Variants in NHSL1 observed in about 807,000 individuals in gnomAD.
The protein encoded by NHSL1 is NHS like 1.
Under a neutral mutation model 95.0 loss-of-function variants are expected in NHSL1, and 48 were observed. That is an observed-to-expected ratio of 0.51 (90% CI 0.40 to 0.64). The LOEUF is 0.64. Among genes scored for constraint, NHSL1 ranks in the 30% least tolerant of loss-of-function variants. NHSL1 has a pLI of 0.00. For synonymous variants in NHSL1, 783 were observed against 833.9 expected (o/e 0.94, Z 1.05); for missense variants, 1,971 against 2,077.7 (o/e 0.95, Z 1.00).
rs141195256 is a variant in NHSL1, at chr6:138,525,528, AAAATAAATAAATAAATAAATAAAT to A, written c.16+20071_16+20094del. On this transcript the variant is annotated intron_variant, in intron 1 of 4. Transcript: ENST00000342260. The stretch of plus-strand genomic sequence containing the variant: ...GAACAACGAAGTGAGACCTTGTCTC[AAAATAAATAAATAAATAAATAAAT>A]AAATAAATAAATAAATAAATAAATA... 2.4e-4 allele frequency among the ~76,000 whole-genome samples: 33 copies of A among 139,656 alleles called. No individual in the cohort carries two copies. The South Asian group carries it at 4.7e-3, about 20-fold the overall frequency. 91.6% of individuals were successfully genotyped at this position (139,656 alleles called of 152,430 possible).
At chr6:138,481,962 A>C (rs1274070307) in intron 2 of NHSL1, among the ~76,000 whole-genome samples, 2 of 152,218 alleles carry the variant, frequency 1.3e-5, no homozygotes, top group African/African-American at 2.4e-5. Context: ...GACTTTCTAA[A>C]AGTTCTAAAA....
intron 2 of NHSL1, among the ~76,000 whole-genome samples, chr6:138,480,793 C>G (rs1278975079): frequency 1.3e-5 from 2 of 152,158 alleles, no homozygotes; most frequent in African/African-American, 4.8e-5. Flanking sequence ...GATCTAGAGT[C>G]TAAAAAATCT....
At chr6:138,529,910 C>G (rs1782066782) in intron 1 of NHSL1, among the ~76,000 whole-genome samples, 1 of 152,168 alleles carries the variant, frequency 6.6e-6, no homozygotes, top group Non-Finnish European at 1.5e-5. Context: ...AACATACTGA[C>G]AGACATGGCA....
chr6:138,626,566 C>G (rs1054704635), intron 1 of NHSL1, among the ~76,000 whole-genome samples: 1 of 152,078 alleles, frequency 6.6e-6, no homozygotes, highest in Non-Finnish European at 1.5e-5. Flanking sequence ...TCAGCATTAG[C>G]AAATATTGTT....
chr6:138,461,910 T>A (rs1305806758), intron 3 of NHSL1, among the ~76,000 whole-genome samples: 1 of 152,174 alleles, frequency 6.6e-6, no homozygotes, highest in Non-Finnish European at 1.5e-5. Context: ...TATGAAGTCC[T>A]TGAGAGGTTG....
chr6:138,529,270 A>T (rs1782037822), intron 1 of NHSL1, among the ~76,000 whole-genome samples: 1 of 152,206 alleles, frequency 6.6e-6, no homozygotes, highest in African/African-American at 2.4e-5. Flanking sequence ...TTTGGTGTTT[A>T]TCAGACATTG....
In NHSL1 at chr6:138,559,388, G is replaced by A. The variant is rs190591021; in HGVS notation, c.202+12322C>T. ...GCAAGGCTCCTGTTGGCAATCACTC[G>A]GTCCTGCTGCCAACTTTCAAGGCTT... On this transcript the variant is annotated intron_variant, in intron 1 of 6. Coordinates refer to the NHSL1 transcript ENST00000427025. Among the ~76,000 whole-genome samples the A allele has an allele frequency of 1.6e-4, 25 of 152,322 alleles. 1 individual carries two copies. The East Asian group carries it at 4.4e-3, about 27-fold the overall frequency.
Position 138,560,996 on chromosome 6 carries a change from T to G in NHSL1, c.202+10714A>C, listed in dbSNP as rs570744207. On this transcript the variant is annotated intron_variant, in intron 1 of 6. Coordinates refer to the NHSL1 transcript ENST00000427025. Reference sequence around the variant, plus strand: ...TACTGTTTAAAGAAATCTCAACTGCTTGTGGCTTTTATTAATACTTGCGAG... The same window carrying G: ...TACTGTTTAAAGAAATCTCAACTGCGTGTGGCTTTTATTAATACTTGCGAG... Among the ~76,000 whole-genome samples, 6 of 152,362 alleles carry G rather than the reference T, an allele frequency of 3.9e-5. No individual in the cohort carries two copies. In the South Asian group the frequency reaches 1.2e-3, roughly 32 times the overall value.
chr6:138,457,386 C>T (rs1777686229), intron 3 of NHSL1, among the ~76,000 whole-genome samples: 1 of 151,956 alleles, frequency 6.6e-6, no homozygotes, highest in Non-Finnish European at 1.5e-5. Flanking sequence ...CACATAGAGT[C>T]CTACTTGGTG....
Position 138,692,364 on chromosome 6 carries a change from C to G in NHSL1, c.96+112G>C, listed in dbSNP as rs773823717. 39 of 309,090 alleles carry G rather than the reference C, an allele frequency of 1.3e-4. No homozygotes were observed. Among genetic ancestry groups the G allele is most frequent in the Admixed American group, 1.0e-3 (25 of 23,938 alleles). 19.1% of individuals were successfully genotyped at this position (309,090 alleles called of 1,614,324 possible). A position where few individuals can be genotyped will look rare whatever the true frequency, so the allele number is the denominator to read the frequency against. On this transcript the variant is annotated intron_variant, in intron 1 of 3. Transcript: ENST00000491526. The surrounding 1 kb of genome is among the most constrained non-coding windows in gnomAD (Gnocchi z 4.0). ...CAGTCCCCACTGGAGACCCCGACATCGCGGGGCTCCGCGGCCCCCGCGCCG... is the reference window on the plus strand; with the variant it reads ...CAGTCCCCACTGGAGACCCCGACATGGCGGGGCTCCGCGGCCCCCGCGCCG...
intron 1 of NHSL1, among the ~76,000 whole-genome samples, chr6:138,557,733 T>G (rs1162415311): frequency 1.3e-5 from 2 of 152,194 alleles, no homozygotes; most frequent in Non-Finnish European, 2.9e-5. Flanking sequence ...TCACGAGAAG[T>G]GGATTCAAAT....
chr6:138,615,651 T>C (rs1784569030), intron 1 of NHSL1, among the ~76,000 whole-genome samples: 1 of 152,224 alleles, frequency 6.6e-6, no homozygotes, highest in Non-Finnish European at 1.5e-5. Flanking sequence ...TTTGTATTCT[T>C]AGTAGAGACG....
upstream of NHSL1, among the ~76,000 whole-genome samples, chr6:138,548,584 A>T (rs143909230): frequency 6.6e-6 from 1 of 152,350 alleles, no homozygotes; most frequent in East Asian, 1.9e-4. Flanking sequence ...GGGAAGCCAA[A>T]AGATTGGATG....
rs1783753022 is a variant in NHSL1 at position 138,569,732 on chromosome 6, C to A, written c.202+1978G>T. ...CAACTGTTATAACATTCCCCTGAGA[C>A]AAGATGTCAAAGTTGGAAGCCAATT... On this transcript the variant is annotated intron_variant, in intron 1 of 6. Transcript: ENST00000427025. 3.3e-5 allele frequency among the ~76,000 whole-genome samples: 5 copies of A among 152,294 alleles called. 1 individual carries two copies. In the South Asian group the frequency reaches 1.0e-3, roughly 32 times the overall value.
intron 2 of NHSL1, among the ~76,000 whole-genome samples, chr6:138,476,705 G>A (rs1779093274): frequency 6.6e-6 from 1 of 152,042 alleles, no homozygotes; most frequent in Non-Finnish European, 1.5e-5. Flanking sequence ...GTGGGTACCT[G>A]TAACCCCAGC....
intron 5 of NHSL1, among the ~76,000 whole-genome samples, chr6:138,441,318 T>G (rs1776510198): frequency 1.3e-5 from 2 of 152,082 alleles, no homozygotes; most frequent in South Asian, 4.1e-4. Flanking sequence ...GAAGTTAATC[T>G]AGAAAGAGGA....
intron 1 of NHSL1, among the ~76,000 whole-genome samples, chr6:138,662,831 T>C (rs1013871664): frequency 1.3e-5 from 2 of 151,978 alleles, no homozygotes; most frequent in Non-Finnish European, 2.9e-5. Context: ...AAATCAGTCA[T>C]GTACCTATAC....
chr6:138,524,520 T>C (rs1781819866), intron 1 of NHSL1, among the ~76,000 whole-genome samples: 2 of 152,350 alleles, frequency 1.3e-5, no homozygotes, highest in Middle Eastern at 3.4e-3. Context: ...TATGTGGTTG[T>C]GTGTAGCAGT....
intron 1 of NHSL1, among the ~76,000 whole-genome samples, chr6:138,557,022 T>C (rs1374986019): frequency 6.6e-6 from 1 of 152,136 alleles, no homozygotes; most frequent in African/African-American, 2.4e-5. Context: ...CATACTTGCT[T>C]AGTAAGTGAA....
Sources: allele counts gnomAD v4.1 joint callset (sites outside exome capture counted in the v4.1 genomes callset), GRCh38; gene constraint gnomAD v4.1.1; non-coding constraint Gnocchi (gnomAD v3.1); transcripts MANE v1.5; gene names NCBI Gene and HGNC (gene_info 2026-07-23, HGNC 2026-07-21).